Variants in PPARD observed in about 807,000 individuals in gnomAD.
PPARD encodes peroxisome proliferator activated receptor delta.
PPARD carries 6 observed loss-of-function variants against 39.5 expected under a neutral mutation model. That is an observed-to-expected ratio of 0.15 (90% CI 0.08 to 0.30). The LOEUF (loss-of-function observed/expected upper bound fraction) is 0.30, where lower values mean the gene tolerates loss of function less well. PPARD is among the 10% of genes least tolerant of loss of function. The probability of loss-of-function intolerance (pLI) is 1.00; values close to 1 mark genes in which losing one functional copy is unlikely to be tolerated. For synonymous variants in PPARD, 210 were observed against 231.3 expected, an observed-to-expected ratio of 0.91 and a Z score of 0.83; for missense variants, 397 against 596.8, an observed-to-expected ratio of 0.67 and a Z score of 3.49.
chr6:35,418,446 G>A lies in PPARD; in HGVS notation c.131-1681G>A, dbSNP rs943895028. 6.0e-4 allele frequency among the ~76,000 whole-genome samples: 91 copies of A among 152,342 alleles called. 1 individual carries two copies. The highest frequency in any genetic ancestry group is 1.8e-3 in the African/African-American group (73 of 41,584). On this transcript the variant is annotated intron_variant, in intron 3 of 7. Coordinates refer to ENST00000360694, the MANE Select transcript of PPARD (RefSeq NM_006238.5). ...ACTGCCAGATGTGCAGAGAGCTATC[G>A]CGTGCCTGCTGCGTGCCCAGCACCT...
intron 2 of PPARD, among the ~76,000 whole-genome samples, chr6:35,391,929 C>A (rs541153945): frequency 2.0e-5 from 3 of 152,104 alleles, no homozygotes; most frequent in African/African-American, 7.2e-5. Flanking sequence ...GTCCTTATGC[C>A]AAGCTGCCTC....
chr6:35,412,443 C>T lies in PPARD; in HGVS notation c.130+1226C>T, dbSNP rs1303281286. On this transcript the variant is annotated intron_variant, in intron 3 of 7. Transcript: ENST00000360694. The surrounding 1 kb of genome is among the most constrained non-coding windows in gnomAD (Gnocchi z 4.1). The stretch of plus-strand genomic sequence containing the variant: ...GACTCAGGCAGAGGAGCAAGCCCAC[C>T]CCGCAGAAATGGGCTCTGGACCCCT... Among the ~76,000 whole-genome samples, 1 of 152,158 alleles carries T rather than the reference C, an allele frequency of 6.6e-6. No homozygotes were observed. The highest frequency in any genetic ancestry group is 1.9e-4 in the East Asian group (1 of 5,192).
At chr6:35,347,285 G>A in intron 2 of PPARD, 135 bp downstream of exon 2, 1 of 1,071,258 alleles carries the variant, frequency 9.3e-7, no homozygotes, top group Non-Finnish European at 1.4e-6. Flanking sequence ...ACAGCATCTG[G>A]TACCAGTTGC....
At chr6:35,385,078 G>T (rs1183203133) in intron 2 of PPARD, among the ~76,000 whole-genome samples, 2 of 146,290 alleles carry the variant, frequency 1.4e-5, no homozygotes. Context: ...CTGCCCGGCC[G>T]CCCCTACTGG....
At chr6:35,367,635 T>TG (rs1252949715) in intron 2 of PPARD, among the ~76,000 whole-genome samples, 1 of 152,238 alleles carries the variant, frequency 6.6e-6, no homozygotes, top group African/African-American at 2.4e-5. Flanking sequence ...TTGTGTGAAT[T>TG]GGGTCCAGAT....
At chr6:35,381,533 C>G (rs1763156943) in intron 2 of PPARD, among the ~76,000 whole-genome samples, 1 of 152,172 alleles carries the variant, frequency 6.6e-6, no homozygotes, top group South Asian at 2.1e-4. Flanking sequence ...AAGGTTGTAT[C>G]ATGGTCTAAG....
chr6:35,424,833 G>C lies in PPARD; in HGVS notation c.1078+54G>C. The C allele has an allele frequency of 6.3e-7, 1 of 1,584,578 alleles. No individual in the cohort carries two copies. The highest frequency in any genetic ancestry group is 1.7e-5 in the Admixed American group (1 of 58,204). Reference sequence around the variant, plus strand: ...CCTGGCACACCCAGTCGTCCTGGGGGTTGGCCCTCACTGCAGGGCACTGTG... The same window carrying C: ...CCTGGCACACCCAGTCGTCCTGGGGCTTGGCCCTCACTGCAGGGCACTGTG... On this transcript the variant is annotated intron_variant, in intron 7 of 7. Transcript: ENST00000360694. This position sits in a 1 kb window ranked among gnomAD's most constrained non-coding sequence, Gnocchi z 7.1.
intron 1 of PPARD, among the ~76,000 whole-genome samples, chr6:35,343,891 T>G (rs1356927327): frequency 6.6e-6 from 1 of 152,146 alleles, no homozygotes; most frequent in African/African-American, 2.4e-5. Context: ...CACCCTGTGC[T>G]CCATCCGAAA....
In PPARD at chr6:35,351,861, CTT is replaced by C. The variant is rs774957372; in HGVS notation, c.-102+4734_-102+4735del. ...ATAGGCATGAGCCACCACACCCAGC[CTT>C]TTTTTTTTTTTTTTTTTTTTTTGAT... is the stretch of plus-strand genomic sequence containing the variant. On this transcript the variant is annotated intron_variant, in intron 2 of 7. Transcript: ENST00000360694. Among the ~76,000 whole-genome samples the C allele has an allele frequency of 7.7e-3, 668 of 87,306 alleles. 3 individuals carry two copies. Among genetic ancestry groups the C allele is most frequent in the African/African-American group, 0.034 (613 of 17,866 alleles). 57.3% of individuals were successfully genotyped at this position (87,306 alleles called of 152,430 possible).
chr6:35,393,163 T>A (rs1478375173), intron 2 of PPARD, among the ~76,000 whole-genome samples: 1 of 151,544 alleles, frequency 6.6e-6, no homozygotes, highest in Non-Finnish European at 1.5e-5. Context: ...CTCTGGGGAG[T>A]TCTTATTCCC....
At chr6:35,384,328 C>T (rs1581592410) in intron 2 of PPARD, among the ~76,000 whole-genome samples, 1 of 142,148 alleles carries the variant, frequency 7.0e-6, no homozygotes. Context: ...AGCCTCCCGC[C>T]CGGCCAGCCG....
intron 2 of PPARD, among the ~76,000 whole-genome samples, chr6:35,388,041 T>A (rs1199048414): frequency 2.0e-5 from 3 of 147,198 alleles, no homozygotes; most frequent in African/African-American, 7.9e-5. Context: ...TTTTTTTTTT[T>A]AAAGCTTTTT....
chr6:35,346,841 C>T (rs996152116), intron 1 of PPARD, among the ~76,000 whole-genome samples: 2 of 152,238 alleles, frequency 1.3e-5, no homozygotes, highest in Non-Finnish European at 2.9e-5. Flanking sequence ...ATCAGCAAAG[C>T]CAGTGTCTGC....
intron 2 of PPARD, among the ~76,000 whole-genome samples, chr6:35,402,064 G>T (rs892743477): frequency 1.3e-5 from 2 of 152,038 alleles, no homozygotes; most frequent in East Asian, 1.9e-4. Context: ...TACCTCGTTG[G>T]CATCTCTCAG....
chr6:35,415,536 G>A (rs1765697056), intron 3 of PPARD, among the ~76,000 whole-genome samples: 2 of 152,190 alleles, frequency 1.3e-5, no homozygotes, highest in African/African-American at 4.8e-5. Flanking sequence ...TTTACTCTCT[G>A]GGTGAGAGGG....
At chr6:35,419,441 A>C (rs1765995869) in intron 3 of PPARD, among the ~76,000 whole-genome samples, 1 of 152,158 alleles carries the variant, frequency 6.6e-6, no homozygotes, top group Non-Finnish European at 1.5e-5. Context: ...AACACACTCA[A>C]CACCCCGTGG....
In PPARD at chr6:35,358,545, G is replaced by A. The variant is rs373362946; in HGVS notation, c.-102+11395G>A. ...CTGATCCCTGTTCTTATTTTAAGGC[G>A]TCCCTCTCATGGCACAAGGAGAGCA... On this transcript the variant is annotated intron_variant, in intron 2 of 7. Coordinates refer to ENST00000360694, the MANE Select transcript of PPARD (RefSeq NM_006238.5). Among the ~76,000 whole-genome samples the A allele has an allele frequency of 4.5e-4, 69 of 152,284 alleles. 1 individual carries two copies. Among genetic ancestry groups the A allele is most frequent in the African/African-American group, 1.5e-3 (61 of 41,562 alleles).
At chr6:35,365,888 A>T (rs546695680) in intron 2 of PPARD, among the ~76,000 whole-genome samples, 2 of 151,876 alleles carry the variant, frequency 1.3e-5, no homozygotes, top group Admixed American at 1.3e-4. Flanking sequence ...AGATAAACAG[A>T]TTGACAATGC....
At chr6:35,373,364 C>T (rs1054656160) in intron 2 of PPARD, among the ~76,000 whole-genome samples, 5 of 152,252 alleles carry the variant, frequency 3.3e-5, no homozygotes, top group African/African-American at 4.8e-5. Context: ...TATTAGGTAT[C>T]GCTATTATAG....
Sources: allele counts gnomAD v4.1 joint callset (sites outside exome capture counted in the v4.1 genomes callset), GRCh38; gene constraint gnomAD v4.1.1; non-coding constraint Gnocchi (gnomAD v3.1); transcripts MANE v1.5; gene names NCBI Gene and HGNC (gene_info 2026-07-23, HGNC 2026-07-21).